Variants in KLHL6 observed in about 807,000 individuals in gnomAD.
KLHL6 encodes kelch like family member 6, also known as kelch-like protein 6.
In KLHL6, 41 loss-of-function variants were observed where a neutral mutation model predicts 58.6. The observed-to-expected ratio is 0.70, with a 90% CI of 0.55 to 0.91. The LOEUF (loss-of-function observed/expected upper bound fraction) is 0.91, where lower values mean the gene tolerates loss of function less well. Among genes scored for constraint, KLHL6 ranks in the 40% least tolerant of loss-of-function variants. The pLI is 0.00. For synonymous variants in KLHL6, 338 were observed against 322.7 expected (o/e 1.05, Z -0.51); for missense variants, 714 against 805.6 (o/e 0.89, Z 1.38).
Position 183,542,305 on chromosome 3 carries a change from G to A in KLHL6, c.293+13056C>T, listed in dbSNP as rs547888571. Among the ~76,000 whole-genome samples, 9 of 152,248 alleles carry A rather than the reference G, an allele frequency of 5.9e-5. No homozygotes were observed. In the South Asian group the frequency reaches 1.9e-3, roughly 32 times the overall value. On this transcript the variant is annotated intron_variant, in intron 1 of 6. Transcript: ENST00000341319. The stretch of plus-strand genomic sequence containing the variant: ...TTCCACGGCTTCCCACTATCTGTAA[G>A]TCATGTTTCAAACTCCACAGCTTCA...
intron 1 of KLHL6, among the ~76,000 whole-genome samples, chr3:183,547,984 G>T (rs116122676): frequency 6.6e-6 from 1 of 152,262 alleles, no homozygotes; most frequent in African/African-American, 2.4e-5. Context: ...GAGCCTCCTT[G>T]TGCTCATACA....
rs753548003 is a variant in KLHL6, at chr3:183,492,029, C to T, written c.1764G>A (p.Glu588=). Residue 588 remains glutamate (E), a synonymous_variant, in exon 7 of 7, where the codon GAG becomes GAA. Transcript: ENST00000341319. The surrounding 1 kb of genome is among the most constrained non-coding windows in gnomAD (Gnocchi z 5.9). ...ACACGCCCCGGGGCAGGACGCACTC[C>T]TCTGTCAGTTTCTGGGCCTCGGGGT... ...CWDPEAQKLT[E]ECVLPRGVSH... 1.6e-4 allele frequency: 253 copies of T among 1,613,882 alleles called. 1 individual carries two copies. The Admixed American group carries it at 4.2e-3, about 27-fold the overall frequency.
At chr3:183,551,986 T>C (rs140603088) in intron 1 of KLHL6, 2 of 152,352 alleles carry the variant, frequency 1.3e-5, no homozygotes, top group African/African-American at 4.8e-5. Context: ...AAGAGATGTT[T>C]GATCTTACTA....
rs147438758 is a variant in KLHL6, at chr3:183,509,178, A to G, written c.460-670T>C. On this transcript the variant is annotated intron_variant, in intron 2 of 6. Transcript: ENST00000341319. ...CACATTGACCAATTGCAAAGTATGG[A>G]TCTTATTTGGATTCCTGATTTAAAC... 7.7e-3 allele frequency among the ~76,000 whole-genome samples: 1,173 copies of G among 152,326 alleles called. 12 individuals are homozygous for G. The highest frequency in any genetic ancestry group is 0.026 in the African/African-American group (1,089 of 41,574).
chr3:183,539,268 C>T (rs6795537), intron 1 of KLHL6, among the ~76,000 whole-genome samples: 5,657 of 152,266 alleles, frequency 0.037, 335 homozygotes, highest in African/African-American at 0.13. Context: ...AAGACACAGC[C>T]TTCCTAGAAT....
At position 183,499,012 on chromosome 3, in the gene KLHL6, T is replaced by C. The variant is rs1717790028; in HGVS notation, c.1147+578A>G. Among the ~76,000 whole-genome samples the C allele has an allele frequency of 6.6e-6, 1 of 152,204 alleles. No homozygotes were observed. Among genetic ancestry groups the C allele is most frequent in the Non-Finnish European group, 1.5e-5 (1 of 68,034 alleles). ...TCCCTCTTCTTTTTCTGGGAAGGAC[T>C]AGACTTGTCTGCCTCCTCCCCAGGT... On this transcript the variant is annotated intron_variant, in intron 4 of 6. Coordinates refer to ENST00000341319, the MANE Select transcript of KLHL6 (RefSeq NM_130446.4). The surrounding 1 kb of genome is among the most constrained non-coding windows in gnomAD (Gnocchi z 4.6).
chr3:183,546,502 C>T (rs1341064335), intron 1 of KLHL6, among the ~76,000 whole-genome samples: 3 of 152,186 alleles, frequency 2.0e-5, no homozygotes, highest in Non-Finnish European at 4.4e-5. Context: ...GGGAAGTCCT[C>T]CCCACAGGAG....
chr3:183,511,071 G>A (rs186807737), intron 2 of KLHL6, among the ~76,000 whole-genome samples: 8 of 152,158 alleles, frequency 5.3e-5, no homozygotes, highest in African/African-American at 1.7e-4. Context: ...GACCCTCACC[G>A]GCACCAGTCT....
At chr3:183,543,320 C>T (rs999125488) in intron 1 of KLHL6, among the ~76,000 whole-genome samples, 1 of 151,562 alleles carries the variant, frequency 6.6e-6, no homozygotes, top group Non-Finnish European at 1.5e-5. Context: ...AGAGATAATA[C>T]TATGCAGTGC....
Position 183,489,564 on chromosome 3 carries a change from A to C in KLHL6, c.*2363T>G, listed in dbSNP as rs1357414407. The C allele has an allele frequency of 6.6e-6, 1 of 152,230 alleles. No homozygotes were observed. Among genetic ancestry groups the C allele is most frequent in the Non-Finnish European group, 1.5e-5 (1 of 68,042 alleles). The allele number at this position is 152,230 out of a possible 1,614,324, so 9.4% of individuals were successfully genotyped here. On this transcript the variant is annotated 3_prime_UTR_variant, in exon 7 of 7. Coordinates refer to ENST00000341319, the MANE Select transcript of KLHL6 (RefSeq NM_130446.4). The stretch of plus-strand genomic sequence containing the variant: ...AGGCTTGACAGACATGAAGAACTCC[A>C]TGAATGTTTGCTGAATTGAACTAGA...
At position 183,533,253 on chromosome 3, in the gene KLHL6, C is replaced by T. The variant is rs183410434; in HGVS notation, c.294-5243G>A. 4.9e-4 allele frequency among the ~76,000 whole-genome samples: 74 copies of T among 151,476 alleles called. 1 individual carries two copies. The highest frequency in any genetic ancestry group is 4.8e-3 in the Admixed American group (73 of 15,182). ...TATCTCTGGAAATCAATCATCAGTT[C>T]TTTCCTTCCTTCCTTCTTTCCTTCC... On this transcript the variant is annotated intron_variant, in intron 1 of 6. Coordinates refer to ENST00000341319, the MANE Select transcript of KLHL6 (RefSeq NM_130446.4).
At chr3:183,543,293 A>G (rs1298021345) in intron 1 of KLHL6, among the ~76,000 whole-genome samples, 2 of 152,002 alleles carry the variant, frequency 1.3e-5, no homozygotes, top group African/African-American at 4.8e-5. Flanking sequence ...TTTCAAAAAA[A>G]AAAAAAAGAG....
intron 3 of KLHL6, among the ~76,000 whole-genome samples, chr3:183,504,254 T>A (rs1023389976): frequency 6.6e-6 from 1 of 152,162 alleles, no homozygotes; most frequent in Admixed American, 6.5e-5. Flanking sequence ...ATTACTTAAC[T>A]CTCAAGACAG....
chr3:183,550,606 C>A (rs1712879000), intron 1 of KLHL6, among the ~76,000 whole-genome samples: 1 of 151,426 alleles, frequency 6.6e-6, no homozygotes, highest in Non-Finnish European at 1.5e-5. Context: ...ACCAGCCTGG[C>A]CAACATGGTG....
At chr3:183,551,513 A>G (rs1425138891) in intron 1 of KLHL6, among the ~76,000 whole-genome samples, 6 of 152,256 alleles carry the variant, frequency 3.9e-5, no homozygotes, top group African/African-American at 9.6e-5. Context: ...AAACGTGATC[A>G]TTGAGTAATT....
At chr3:183,551,122 GAA>G (rs35352469) in intron 1 of KLHL6, among the ~76,000 whole-genome samples, 41,889 of 131,596 alleles carry the variant, frequency 0.32, 7,467 homozygotes, top group East Asian at 0.65. Context: ...CTCTGTCTCA[GAA>G]AAAAAAAAAA....
chr3:183,515,377 G>A (rs1450018514), intron 2 of KLHL6, among the ~76,000 whole-genome samples: 2 of 152,012 alleles, frequency 1.3e-5, no homozygotes, highest in African/African-American at 2.4e-5. Flanking sequence ...GTGAGACCTC[G>A]TCTTTACAAA....
At chr3:183,533,379 C>T (rs1250140347) in intron 1 of KLHL6, among the ~76,000 whole-genome samples, 2 of 151,160 alleles carry the variant, frequency 1.3e-5, no homozygotes, top group African/African-American at 4.9e-5. Flanking sequence ...CCTCAAGTGA[C>T]CCTCTTCCCT....
intron 1 of KLHL6, among the ~76,000 whole-genome samples, chr3:183,546,938 C>T (rs1036940030): frequency 4.4e-4 from 59 of 133,522 alleles, no homozygotes; most frequent in Middle Eastern, 4.7e-3. Context: ...TTGACGGAAT[C>T]TCTCACTCTG....
Sources: gnomAD v4.1 joint callset for allele counts (sites outside exome capture counted in the v4.1 genomes callset) on GRCh38, gnomAD v4.1.1 for gene constraint, Gnocchi (gnomAD v3.1) non-coding constraint, MANE v1.5 for transcripts, NCBI Gene and HGNC (gene_info 2026-07-23, HGNC 2026-07-21) for gene names.